The following TAF4B variants were observed in gnomAD, a reference collection of about 807,000 sequenced individuals.
TAF4B encodes the protein TATA-box binding protein associated factor 4b.
TAF4B carries 38 observed loss-of-function variants against 86.4 expected under a neutral mutation model. The observed-to-expected ratio is 0.44, with a 90% CI of 0.34 to 0.58. The LOEUF (loss-of-function observed/expected upper bound fraction) is 0.58, where lower values mean the gene tolerates loss of function less well. Ranked by LOEUF, TAF4B falls within the 20% of genes least tolerant of loss-of-function variation. The probability of loss-of-function intolerance (pLI) is 0.02; values close to 1 mark genes in which losing one functional copy is unlikely to be tolerated. For missense variants in TAF4B, 988 were observed against 1,027.6 expected (o/e 0.96, Z 0.53); for synonymous variants, 388 against 391.2 (o/e 0.99, Z 0.10).
At chr18:26,262,538 G>A (rs2593313) in intron 1 of TAF4B, among the ~76,000 whole-genome samples, 4 of 150,614 alleles carry the variant, frequency 2.7e-5, no homozygotes, top group African/African-American at 7.4e-5. Context: ...GCAGTGACGC[G>A]ATCTCGGCTT....
chr18:26,346,843 G>A (rs528064509), intron 13 of TAF4B, among the ~76,000 whole-genome samples: 2,632 of 17,176 alleles, frequency 0.15, 581 homozygotes, highest in Middle Eastern at 0.25. Context: ...ATATGTGTGT[G>A]TGTATATATA....
Position 26,286,034 on chromosome 18 carries a change from G to A in TAF4B, c.1125G>A (p.Gln375=). Residue 375 remains glutamine (Q), a synonymous_variant, in exon 7 of 15, where the codon CAG becomes CAA. Transcript: ENST00000269142. ...TGACAACTACAGTGTCCTCAAGCCAGTCTGAAAAGTCAATTATTGTTTCTG... is the reference window on the plus strand; with the variant it reads ...TGACAACTACAGTGTCCTCAAGCCAATCTGAAAAGTCAATTATTGTTTCTG... ...PVVTTTVSSS[Q]SEKSIIVSGA... The A allele has an allele frequency of 6.2e-7, 1 of 1,614,214 alleles. No homozygotes were observed.
intron 1 of TAF4B, among the ~76,000 whole-genome samples, chr18:26,236,580 C>T (rs563119913): frequency 3.9e-4 from 59 of 152,156 alleles, no homozygotes; most frequent in Middle Eastern, 3.4e-3. Context: ...GGTGAGGGGG[C>T]GCTTGTTTCT....
chr18:26,379,883 T>G (rs1295644350), intron 14 of TAF4B, among the ~76,000 whole-genome samples: 3 of 152,170 alleles, frequency 2.0e-5, no homozygotes, highest in Non-Finnish European at 2.9e-5. Flanking sequence ...TTGACATCTT[T>G]TATCCATTTA....
At position 26,226,933 on chromosome 18, in the gene TAF4B, G is replaced by C; in HGVS notation, c.-1G>C. On this transcript the variant is annotated 5_prime_UTR_variant, in exon 1 of 15. Transcript: ENST00000269142. Reference sequence around the variant, plus strand: ...CAAAGCTGCCGCTGAGCCCCTGGGGGATGCCCGCCGGCCTCACCGAACCCG... The same window carrying C: ...CAAAGCTGCCGCTGAGCCCCTGGGGCATGCCCGCCGGCCTCACCGAACCCG... 2 of 1,371,032 alleles carry C rather than the reference G, an allele frequency of 1.5e-6. No homozygotes were observed. The highest frequency in any genetic ancestry group is 1.9e-6 in the Non-Finnish European group (2 of 1,071,622). 84.9% of individuals were successfully genotyped at this position (1,371,032 alleles called of 1,614,324 possible). A position where few individuals can be genotyped will look rare whatever the true frequency, so the allele number is the denominator to read the frequency against.
At chr18:26,258,560 A>G (rs1261011908) in intron 1 of TAF4B, among the ~76,000 whole-genome samples, 2 of 152,222 alleles carry the variant, frequency 1.3e-5, no homozygotes, top group Non-Finnish European at 2.9e-5. Context: ...GCCAAATTAC[A>G]TAATTACCAG....
intron 13 of TAF4B, chr18:26,348,572 T>A: frequency 6.4e-6 from 1 of 155,578 alleles, no homozygotes. Context: ...GGAAATTTTG[T>A]CTACTGTAGT....
At chr18:26,272,942 CTT>C (rs1285291272) in intron 3 of TAF4B, among the ~76,000 whole-genome samples, 1 of 152,042 alleles carries the variant, frequency 6.6e-6, no homozygotes, top group African/African-American at 2.4e-5. Flanking sequence ...AATTTTATCT[CTT>C]TTGTTAAAAA....
At chr18:26,343,699 A>G (rs967654549) in intron 13 of TAF4B, among the ~76,000 whole-genome samples, 1 of 152,208 alleles carries the variant, frequency 6.6e-6, no homozygotes, top group Non-Finnish European at 1.5e-5. Flanking sequence ...GTGGATGGAA[A>G]ATACACTATG....
At chr18:26,358,134 C>G (rs2057303018) in intron 14 of TAF4B, among the ~76,000 whole-genome samples, 2 of 152,140 alleles carry the variant, frequency 1.3e-5, no homozygotes, top group South Asian at 4.1e-4. Flanking sequence ...CTAAATCTGG[C>G]TAATCTTGTA....
At chr18:26,240,386 GTC>G (rs1431876256) in intron 1 of TAF4B, among the ~76,000 whole-genome samples, 1 of 152,160 alleles carries the variant, frequency 6.6e-6, no homozygotes, top group Non-Finnish European at 1.5e-5. Context: ...CTCTCTGTTT[GTC>G]TGTTATTGGT....
chr18:26,241,889 G>A (rs145618412), intron 1 of TAF4B, among the ~76,000 whole-genome samples: 4 of 152,200 alleles, frequency 2.6e-5, no homozygotes, highest in African/African-American at 9.6e-5. Flanking sequence ...ATGTAGTTGA[G>A]CGGTTTTGAG....
At chr18:26,311,035 C>A (rs2056849199) in intron 9 of TAF4B, among the ~76,000 whole-genome samples, 1 of 151,778 alleles carries the variant, frequency 6.6e-6, no homozygotes, top group South Asian at 2.1e-4. Flanking sequence ...ATATTTTTAA[C>A]AAAGTTCCAT....
At chr18:26,232,695 A>G (rs1456889775) in intron 1 of TAF4B, among the ~76,000 whole-genome samples, 2 of 152,214 alleles carry the variant, frequency 1.3e-5, no homozygotes, top group African/African-American at 4.8e-5. Flanking sequence ...TCTTCCCCTA[A>G]GAAGGTACAA....
intron 12 of TAF4B, among the ~76,000 whole-genome samples, chr18:26,334,430 A>G (rs1031634392): frequency 1.4e-4 from 21 of 152,334 alleles, no homozygotes; most frequent in Middle Eastern, 6.8e-3. Flanking sequence ...TCATGGTGAG[A>G]AAAAAGGATA....
chr18:26,388,189 T>G (rs1436017802), intron 14 of TAF4B, among the ~76,000 whole-genome samples: 1 of 152,254 alleles, frequency 6.6e-6, no homozygotes, highest in African/African-American at 2.4e-5. Flanking sequence ...ATTAAAGGAT[T>G]TCATTTTTAC....
chr18:26,285,806 G>A, intron 6 of TAF4B, 76 bp from the exon 7 acceptor site: 3 of 1,517,252 alleles, frequency 2.0e-6, no homozygotes, highest in Non-Finnish European at 2.7e-6. Flanking sequence ...AGTTGTAAAG[G>A]TATGAAATAC....
At chr18:26,358,753 T>C (rs768328552) in intron 14 of TAF4B, among the ~76,000 whole-genome samples, 1 of 152,182 alleles carries the variant, frequency 6.6e-6, no homozygotes, top group Non-Finnish European at 1.5e-5. Context: ...CTTTTGGCTT[T>C]AGGAGCAATC....
intron 12 of TAF4B, among the ~76,000 whole-genome samples, chr18:26,329,349 G>T (rs2057033510): frequency 6.6e-6 from 1 of 152,086 alleles, no homozygotes; most frequent in East Asian, 1.9e-4. Context: ...GAGACACTGT[G>T]CCCAGCCATT....
Sources: allele counts gnomAD v4.1 joint callset (sites outside exome capture counted in the v4.1 genomes callset), GRCh38; gene constraint gnomAD v4.1.1; transcripts MANE v1.5; gene names NCBI Gene and HGNC (gene_info 2026-07-23, HGNC 2026-07-21).